SLCO1B1: variants seen among roughly 807,000 people sequenced by gnomAD.
The protein encoded by SLCO1B1 is solute carrier organic anion transporter family member 1B1.
Under a neutral mutation model 70.1 loss-of-function variants are expected in SLCO1B1, and 81 were observed. That is an observed-to-expected ratio of 1.16 (90% CI 0.97 to 1.39). SLCO1B1 has a LOEUF of 1.39. Among genes scored for constraint, SLCO1B1 ranks in the 40% most tolerant of loss-of-function variants. The pLI, the probability that SLCO1B1 is intolerant of heterozygous loss-of-function variation, is 0.00. For synonymous variants in SLCO1B1, 283 were observed against 271.5 expected (o/e 1.04, Z -0.42); for missense variants, 895 against 799.6 (o/e 1.12, Z -1.44).
At chr12:21,182,018 C>T (rs1940904663) in intron 7 of SLCO1B1, among the ~76,000 whole-genome samples, 1 of 152,090 alleles carries the variant, frequency 6.6e-6, no homozygotes, top group Non-Finnish European at 1.5e-5. Context: ...TCAGGAAGCA[C>T]CACTTCCACT....
At chr12:21,198,391 A>G (rs1309827404) in intron 8 of SLCO1B1, among the ~76,000 whole-genome samples, 1 of 152,164 alleles carries the variant, frequency 6.6e-6, no homozygotes, top group Non-Finnish European at 1.5e-5. Flanking sequence ...CACTAAAAGT[A>G]CTATACCAAT....
chr12:21,149,921 C>G (rs994771108), intron 2 of SLCO1B1, among the ~76,000 whole-genome samples: 3 of 152,278 alleles, frequency 2.0e-5, no homozygotes, highest in East Asian at 3.9e-4. Context: ...GATCCCACCC[C>G]CATAGAGCCC....
intron 13 of SLCO1B1, among the ~76,000 whole-genome samples, chr12:21,224,498 A>G (rs1311122689): frequency 6.6e-6 from 1 of 152,166 alleles, no homozygotes. Context: ...GCATGTATGT[A>G]GGGAGGGTAC....
chr12:21,224,236 G>C (rs1207688530), intron 13 of SLCO1B1, among the ~76,000 whole-genome samples: 2 of 151,602 alleles, frequency 1.3e-5, no homozygotes, highest in African/African-American at 4.9e-5. Context: ...TGGGGAGGGA[G>C]TTCTGATGAA....
chr12:21,212,581 C>A (rs1224918927), intron 11 of SLCO1B1, among the ~76,000 whole-genome samples: 1 of 102,372 alleles, frequency 9.8e-6, no homozygotes, highest in African/African-American at 3.9e-5. Context: ...CTATTAGGTC[C>A]GCTTGGTGCA....
rs552428931 is a variant in SLCO1B1, at chr12:21,231,907, G to A, written c.1865+7068G>A. 2.0e-5 allele frequency among the ~76,000 whole-genome samples: 3 copies of A among 152,268 alleles called. No individual in the cohort carries two copies. The South Asian group carries it at 6.2e-4, about 32-fold the overall frequency. The stretch of plus-strand genomic sequence containing the variant: ...TGACTTTAGCAAGGCCAAACAGCCA[G>A]TATTTCTGGCTTTTGAACTTCTTTA... On this transcript the variant is annotated intron_variant, in intron 14 of 14. Coordinates refer to ENST00000256958, the MANE Select transcript of SLCO1B1 (RefSeq NM_006446.5).
intron 14 of SLCO1B1, among the ~76,000 whole-genome samples, chr12:21,233,239 C>T (rs996743164): frequency 2.0e-5 from 3 of 152,018 alleles, no homozygotes; most frequent in Admixed American, 2.0e-4. Flanking sequence ...TTTGAGCTTC[C>T]TTCAGGACTC....
intron 14 of SLCO1B1, among the ~76,000 whole-genome samples, chr12:21,231,928 C>T (rs1488389992): frequency 6.6e-6 from 1 of 152,054 alleles, no homozygotes; most frequent in Non-Finnish European, 1.5e-5. Context: ...TTTTGAACTT[C>T]TTTAGAAATA....
Position 21,182,544 on chromosome 12 carries a change from C to T in SLCO1B1, c.727+3524C>T, listed in dbSNP as rs548116678. Among the ~76,000 whole-genome samples the T allele has an allele frequency of 2.6e-3, 400 of 152,282 alleles. 1 individual carries two copies. The highest frequency in any genetic ancestry group is 9.3e-3 in the African/African-American group (385 of 41,562). Reference sequence around the variant, plus strand: ...ATTGTAGGCCCTTCTGCCCGCCAGTCCCTCCCAGTACTCCTGCCTGGCCAC... The same window carrying T: ...ATTGTAGGCCCTTCTGCCCGCCAGTTCCTCCCAGTACTCCTGCCTGGCCAC... On this transcript the variant is annotated intron_variant, in intron 7 of 14. Transcript: ENST00000256958.
chr12:21,178,746 T>A (rs1468930589), intron 6 of SLCO1B1, 24 bp downstream of exon 6: 3 of 1,581,380 alleles, frequency 1.9e-6, no homozygotes, highest in Non-Finnish European at 2.6e-6. Flanking sequence ...AATATTAAAT[T>A]GTATGATCAC....
intron 1 of SLCO1B1, among the ~76,000 whole-genome samples, chr12:21,134,785 C>G (rs112119739): frequency 6.6e-6 from 1 of 152,132 alleles, no homozygotes; most frequent in African/African-American, 2.4e-5. Context: ...AAAAAACCAG[C>G]TCCTGGATTC....
chr12:21,225,975 G>A (rs937575425), intron 14 of SLCO1B1, among the ~76,000 whole-genome samples: 1 of 152,188 alleles, frequency 6.6e-6, no homozygotes, highest in Non-Finnish European at 1.5e-5. Context: ...CAAACAAGAT[G>A]TCTTTCAATA....
Position 21,202,681 on chromosome 12 carries a change from T to C in SLCO1B1, c.1326T>C (p.Tyr442=), listed in dbSNP as rs764695030. The change falls in exon 10 of 15, where the codon TAT becomes TAC. Residue 442 remains tyrosine, a synonymous_variant. Transcript: ENST00000256958. ...CAGTTGCCGGACTAACCATGACCTA[T>C]GATGGGTTTGTATATATCACTATAT... The part of the protein sequence containing the change: ...NKSVAGLTMT[Y]DGNNPVTSHR... The C allele has an allele frequency of 6.2e-7, 1 of 1,609,558 alleles. No individual in the cohort carries two copies. Among genetic ancestry groups the C allele is most frequent in the Admixed American group, 1.7e-5 (1 of 59,864 alleles).
At chr12:21,181,069 G>A (rs1015553521) in intron 7 of SLCO1B1, among the ~76,000 whole-genome samples, 1 of 152,146 alleles carries the variant, frequency 6.6e-6, no homozygotes, top group African/African-American at 2.4e-5. Context: ...GGTTAGAATA[G>A]GAGAATTCTT....
Position 21,174,593 on chromosome 12 carries a change from T to C in SLCO1B1, c.243T>C (p.Ile81=). The C allele has an allele frequency of 6.2e-7, 1 of 1,613,564 alleles. No individual in the cohort carries two copies. Among genetic ancestry groups the C allele is most frequent in the East Asian group, 2.2e-5 (1 of 44,766 alleles). The change falls in exon 4 of 15, where the codon ATT becomes ATC. Residue 81 remains isoleucine (I), a synonymous_variant. Coordinates refer to ENST00000256958, the MANE Select transcript of SLCO1B1 (RefSeq NM_006446.5). The part of the protein sequence containing the change: ...GSFEIGNLLV[I]VFVSYFGSKL... Reference sequence around the variant, plus strand: ...CCTTTCTAGGAAATTTGCTTGTGATTGTATTTGTGAGTTACTTTGGATCCA... The same window carrying C: ...CCTTTCTAGGAAATTTGCTTGTGATCGTATTTGTGAGTTACTTTGGATCCA...
chr12:21,152,972 CTGAG>C (rs1383019074), intron 2 of SLCO1B1, among the ~76,000 whole-genome samples: 1 of 152,186 alleles, frequency 6.6e-6, no homozygotes, highest in East Asian at 1.9e-4. Context: ...CTTAACCACA[CTGAG>C]TGAGACTCTA....
chr12:21,172,287 C>A (rs548157018), intron 2 of SLCO1B1, among the ~76,000 whole-genome samples: 54 of 152,266 alleles, frequency 3.5e-4, no homozygotes, highest in Admixed American at 1.0e-3. Flanking sequence ...CACTCCCCTC[C>A]CAGTTAGCCA....
chr12:21,218,699 T>TGCA lies in SLCO1B1; in HGVS notation c.1682+1397_1682+1399dup, dbSNP rs1247615507. Among the ~76,000 whole-genome samples, 4 of 152,318 alleles carry TGCA rather than the reference T, an allele frequency of 2.6e-5. No homozygotes were observed. The East Asian group carries it at 5.8e-4, about 22-fold the overall frequency. On this transcript the variant is annotated intron_variant, in intron 12 of 14. Coordinates refer to ENST00000256958, the MANE Select transcript of SLCO1B1 (RefSeq NM_006446.5). ...ATAACCTTAAAATTAAATAATAGTC[T>TGCA]GCATATCAACAGGTTTTAGCTTTTT...
At chr12:21,164,911 A>C (rs1379080204) in intron 2 of SLCO1B1, 1 of 440,238 alleles carries the variant, frequency 2.3e-6, no homozygotes, top group East Asian at 6.6e-5. Flanking sequence ...TTATTGGTTT[A>C]TTGCTGCTGA....
Sources: allele counts gnomAD v4.1 joint callset (sites outside exome capture counted in the v4.1 genomes callset), GRCh38; gene constraint gnomAD v4.1.1; transcripts MANE v1.5; gene names NCBI Gene and HGNC (gene_info 2026-07-23, HGNC 2026-07-21).